DCP2: variants seen among roughly 807,000 people sequenced by gnomAD.
DCP2 encodes the protein decapping mRNA 2, also known as m7GpppN-mRNA hydrolase.
Under a neutral mutation model 56.1 loss-of-function variants are expected in DCP2, and 30 were observed. The ratio of observed to expected loss-of-function variants is 0.53; its 90% CI spans 0.40 to 0.73. The LOEUF (loss-of-function observed/expected upper bound fraction) is 0.73, where lower values mean the gene tolerates loss of function less well. Ranked by LOEUF, DCP2 falls within the 30% of genes least tolerant of loss-of-function variation. The pLI, the probability that DCP2 is intolerant of heterozygous loss-of-function variation, is 0.00. For synonymous variants in DCP2, 197 were observed against 163.3 expected, an observed-to-expected ratio of 1.21 and a Z score of -1.57; for missense variants, 533 against 502.7, an observed-to-expected ratio of 1.06 and a Z score of -0.58.
At chr5:112,979,618 TG>T (rs1013210912) in intron 1 of DCP2, among the ~76,000 whole-genome samples, 19 of 152,346 alleles carry the variant, frequency 1.2e-4, no homozygotes, top group African/African-American at 4.1e-4. Context: ...ATAAATTACA[TG>T]TTTCTGTTAA....
In DCP2 at chr5:113,000,774, C is replaced by G. The variant is rs940118276; in HGVS notation, c.433-310C>G. ...TGGAGAGTGGGAAATCTTGAAACCT[C>G]TATCACTAGCCTTCAGAATTTTATT... On this transcript the variant is annotated intron_variant, in intron 4 of 10. Transcript: ENST00000389063. Among the ~76,000 whole-genome samples, 8 of 152,196 alleles carry G rather than the reference C, an allele frequency of 5.3e-5. 1 individual carries two copies. The highest frequency in any genetic ancestry group is 1.5e-5 in the Non-Finnish European group (1 of 68,032).
At chr5:113,001,046 A>G (rs1749153528) in intron 4 of DCP2, 38 bp from the exon 5 acceptor site, 2 of 1,560,116 alleles carry the variant, frequency 1.3e-6, no homozygotes, top group Non-Finnish European at 1.7e-6. Context: ...AGGCCTAAGA[A>G]CTAAAATGAA....
Position 113,020,091 on chromosome 5 carries a change from C to G in DCP2, c.*6607C>G, listed in dbSNP as rs914263364. On this transcript the variant is annotated 3_prime_UTR_variant, in exon 11 of 11. Coordinates refer to ENST00000389063, the MANE Select transcript of DCP2 (RefSeq NM_152624.6). ...AATTTGTTTGGGAGTAAGTTTTAGT[C>G]GGAAAAAGGTGAAGATATTTATGCT... is the stretch of plus-strand genomic sequence containing the variant. The G allele has an allele frequency of 6.6e-6, 1 of 151,986 alleles. No individual in the cohort carries two copies. Among genetic ancestry groups the G allele is most frequent in the Non-Finnish European group, 1.5e-5 (1 of 67,988 alleles). 9.4% of individuals were successfully genotyped at this position (151,986 alleles called of 1,614,324 possible). A position where few individuals can be genotyped will look rare whatever the true frequency, so the allele number is the denominator to read the frequency against.
At position 113,016,445 on chromosome 5, in the gene DCP2, T is replaced by C. The variant is rs757014866; in HGVS notation, c.*2961T>C. ...TACTTGCTGTTCTGAGCTTTGAATA[T>C]CGTTATTTTTCTATTAAATATCAAT... On this transcript the variant is annotated 3_prime_UTR_variant, in exon 11 of 11. Transcript: ENST00000389063. 1 of 152,240 alleles carries C rather than the reference T, an allele frequency of 6.6e-6. No homozygotes were observed. The highest frequency in any genetic ancestry group is 1.5e-5 in the Non-Finnish European group (1 of 68,034). 9.4% of individuals were successfully genotyped at this position (152,240 alleles called of 1,614,324 possible).
In DCP2 at chr5:113,020,260, T is replaced by A. The variant is rs1750052498; in HGVS notation, c.*6776T>A. The A allele has an allele frequency of 6.6e-6, 1 of 152,240 alleles. No individual in the cohort carries two copies. The highest frequency in any genetic ancestry group is 2.4e-5 in the African/African-American group (1 of 41,466). 9.4% of individuals were successfully genotyped at this position (152,240 alleles called of 1,614,324 possible). On this transcript the variant is annotated 3_prime_UTR_variant, in exon 11 of 11. Transcript: ENST00000389063. ...CAAGTAGATTTGTGAACTTTATTTCTTTAGTAATTATTTTTATCTTATGTG... is the reference window on the plus strand; with the variant it reads ...CAAGTAGATTTGTGAACTTTATTTCATTAGTAATTATTTTTATCTTATGTG...
intron 1 of DCP2, among the ~76,000 whole-genome samples, 180 bp downstream of exon 1, chr5:112,977,166 C>T (rs997452124): frequency 6.6e-6 from 1 of 152,192 alleles, no homozygotes; most frequent in African/African-American, 2.4e-5. Flanking sequence ...TCCGCCGCAG[C>T]CTCCCTGTTT....
chr5:113,008,328 A>G (rs926993748), intron 9 of DCP2: 4 of 242,006 alleles, frequency 1.7e-5, no homozygotes, highest in Admixed American at 1.1e-4. Context: ...TTATTTGGCT[A>G]TTGCTCCATG....
intron 1 of DCP2, among the ~76,000 whole-genome samples, chr5:112,982,312 C>T (rs1748044798): frequency 6.6e-6 from 1 of 152,180 alleles, no homozygotes; most frequent in Non-Finnish European, 1.5e-5. Context: ...GGACCTCCAT[C>T]CTCCTAATCC....
intron 2 of DCP2, among the ~76,000 whole-genome samples, chr5:112,986,656 T>C (rs780092976): frequency 1.3e-5 from 2 of 152,110 alleles, no homozygotes; most frequent in African/African-American, 2.4e-5. Flanking sequence ...TAAATAATTA[T>C]TGAATGTTTA....
intron 8 of DCP2, among the ~76,000 whole-genome samples, chr5:113,007,129 TA>T (rs534334249): frequency 1.4e-4 from 21 of 149,386 alleles, no homozygotes; most frequent in African/African-American, 2.0e-4. Flanking sequence ...AGACTCCATT[TA>T]AAAAAAAAAT....
intron 4 of DCP2, among the ~76,000 whole-genome samples, chr5:112,997,613 C>CTTTTTTTTTTTTT (rs555386404): frequency 7.1e-6 from 1 of 140,864 alleles, no homozygotes; most frequent in Non-Finnish European, 1.5e-5. Flanking sequence ...TTTTCTTTTT[C>CTTTTTTTTTTTTT]TTTTTTTTTT....
chr5:112,993,470 C>T (rs1325326384), intron 4 of DCP2, among the ~76,000 whole-genome samples: 3 of 151,778 alleles, frequency 2.0e-5, no homozygotes, highest in Non-Finnish European at 4.4e-5. Flanking sequence ...GCTAAAAATA[C>T]AAAAAATTAG....
intron 2 of DCP2, among the ~76,000 whole-genome samples, chr5:112,989,561 G>A (rs1022952096): frequency 1.3e-5 from 2 of 152,114 alleles, no homozygotes; most frequent in Non-Finnish European, 2.9e-5. Context: ...TGATGCTACA[G>A]AGTAATTCAG....
chr5:113,018,615 G>GT lies in DCP2; in HGVS notation c.*5132dup, dbSNP rs961506639. The stretch of plus-strand genomic sequence containing the variant: ...AGTAGAAGACAATGGCCCTGAATAT[G>GT]TGTTTTCTGCTTTTTGGTGGAAGGT... On this transcript the variant is annotated 3_prime_UTR_variant, in exon 11 of 11. Coordinates refer to ENST00000389063, the MANE Select transcript of DCP2 (RefSeq NM_152624.6). 4.2e-4 allele frequency: 64 copies of GT among 152,350 alleles called. No individual in the cohort carries two copies. Among genetic ancestry groups the GT allele is most frequent in the African/African-American group, 1.5e-3 (63 of 41,568 alleles). 9.4% of individuals were successfully genotyped at this position (152,350 alleles called of 1,614,324 possible).
chr5:113,006,237 A>G lies in DCP2; in HGVS notation c.943-1701A>G, dbSNP rs1053188467. Among the ~76,000 whole-genome samples, 10 of 152,170 alleles carry G rather than the reference A, an allele frequency of 6.6e-5. No individual in the cohort carries two copies. The South Asian group carries it at 2.1e-3, about 32-fold the overall frequency. ...ATAAATATCGTATTAATGTTATTCC[A>G]TTCCTAAATAGGCAAATTCATAGAG... On this transcript the variant is annotated intron_variant, in intron 8 of 10. Coordinates refer to ENST00000389063, the MANE Select transcript of DCP2 (RefSeq NM_152624.6).
At chr5:113,010,397 GT>G (rs1044284920) in intron 9 of DCP2, among the ~76,000 whole-genome samples, 3 of 151,946 alleles carry the variant, frequency 2.0e-5, no homozygotes, top group Non-Finnish European at 4.4e-5. Flanking sequence ...TATAAATAAA[GT>G]ATGTTGGGAG....
In DCP2 at chr5:113,010,736, T is replaced by G. The variant is rs752075643; in HGVS notation, c.1048-20T>G. The G allele has an allele frequency of 1.6e-5, 9 of 549,872 alleles. No homozygotes were observed. The highest frequency in any genetic ancestry group is 4.0e-5 in the African/African-American group (1 of 24,842). The allele number at this position is 549,872 out of a possible 1,614,324, so 34.1% of individuals were successfully genotyped here. On this transcript the variant is annotated intron_variant, in intron 9 of 10. Transcript: ENST00000389063. ...TGTGTTGTATGTGTGTGTGTGTGTG[T>G]TTTTTTTTTTTTTAAATAGAAGTGT...
At chr5:112,979,071 A>G (rs1011032023) in intron 1 of DCP2, among the ~76,000 whole-genome samples, 1 of 152,224 alleles carries the variant, frequency 6.6e-6, no homozygotes, top group African/African-American at 2.4e-5. Context: ...TGTATTTTGT[A>G]AACAATATGT....
intron 1 of DCP2, 73 bp downstream of exon 1, chr5:112,977,059 G>T (rs553688951): frequency 2.3e-4 from 279 of 1,237,384 alleles, no homozygotes; most frequent in Non-Finnish European, 2.9e-4. Flanking sequence ...AGGCCTCTGG[G>T]TCTTCTTCCC....
Sources: gnomAD v4.1 joint callset for allele counts (sites outside exome capture counted in the v4.1 genomes callset) on GRCh38, gnomAD v4.1.1 for gene constraint, MANE v1.5 for transcripts, NCBI Gene and HGNC (gene_info 2026-07-23, HGNC 2026-07-21) for gene names.